Variants in FHIT observed in about 807,000 individuals in gnomAD.
FHIT encodes the protein fragile histidine triad diadenosine triphosphatase, also known as bis(5'-adenosyl)-triphosphatase.
In FHIT, 19 loss-of-function variants were observed where a neutral mutation model predicts 17.9. The ratio of observed to expected loss-of-function variants is 1.06; its 90% CI spans 0.74 to 1.56. The LOEUF is 1.56. Among genes scored for constraint, FHIT ranks in the 40% most tolerant of loss-of-function variants. The probability of loss-of-function intolerance (pLI) is 0.00; values close to 1 mark genes in which losing one functional copy is unlikely to be tolerated. For missense variants in FHIT, 248 were observed against 189.2 expected, an observed-to-expected ratio of 1.31 and a Z score of -1.82; for synonymous variants, 81 against 69.7, an observed-to-expected ratio of 1.16 and a Z score of -0.81.
At chr3:60,756,275 T>C (rs2042569351) in intron 4 of FHIT, among the ~76,000 whole-genome samples, 1 of 152,212 alleles carries the variant, frequency 6.6e-6, no homozygotes, top group Non-Finnish European at 1.5e-5. Context: ...TTTTCTTGTG[T>C]AATGGGGTGA....
intron 5 of FHIT, among the ~76,000 whole-genome samples, chr3:60,345,130 TG>T (rs1710712702): frequency 6.6e-6 from 1 of 152,220 alleles, no homozygotes; most frequent in Non-Finnish European, 1.5e-5. Flanking sequence ...TGTGTCATAC[TG>T]GTAATGAACA....
chr3:60,469,635 T>A (rs1233297044), intron 5 of FHIT, among the ~76,000 whole-genome samples: 1 of 152,290 alleles, frequency 6.6e-6, no homozygotes, highest in East Asian at 1.9e-4. Context: ...TATCTCTCTC[T>A]CTCTCCAGGA....
At position 60,217,336 on chromosome 3, in the gene FHIT, G is replaced by C. The variant is rs7641733; in HGVS notation, c.104-203184C>G. ...ATGAGTCGAAGAAAAGACAAAACAT[G>C]AGTCACTTTCCTTGAGCTCATCGCC... On this transcript the variant is annotated intron_variant, in intron 5 of 9. Coordinates refer to ENST00000492590, the MANE Select transcript of FHIT (RefSeq NM_002012.4). Among the ~76,000 whole-genome samples, 648 of 152,248 alleles carry C rather than the reference G, an allele frequency of 4.3e-3. 4 individuals carry two copies. Among genetic ancestry groups the C allele is most frequent in the African/African-American group, 0.014 (590 of 41,540 alleles).
chr3:60,091,931 T>C (rs1217538175), intron 5 of FHIT, among the ~76,000 whole-genome samples: 1 of 152,202 alleles, frequency 6.6e-6, no homozygotes, highest in Non-Finnish European at 1.5e-5. Context: ...CAGTCTCAGA[T>C]ATTTCTTTAC....
chr3:60,215,564 AAAAATAAAAT>A (rs140145289), intron 5 of FHIT, among the ~76,000 whole-genome samples: 1 of 152,178 alleles, frequency 6.6e-6, no homozygotes, highest in African/African-American at 2.4e-5. Context: ...CTCCATCTCA[AAAAATAAAAT>A]AAAATAAAAT....
chr3:60,357,622 T>C (rs529293102), intron 5 of FHIT, among the ~76,000 whole-genome samples: 1 of 152,262 alleles, frequency 6.6e-6, no homozygotes, highest in Admixed American at 6.5e-5. Context: ...TAAGGATCAA[T>C]TGACATCAAC....
intron 4 of FHIT, among the ~76,000 whole-genome samples, chr3:60,662,841 C>T (rs1553691515): frequency 6.6e-6 from 1 of 151,850 alleles, no homozygotes; most frequent in Admixed American, 6.6e-5. Flanking sequence ...TTTTCTCCCA[C>T]ATTTATTTTT....
At chr3:60,179,164 C>A (rs946611008) in intron 5 of FHIT, among the ~76,000 whole-genome samples, 1 of 152,110 alleles carries the variant, frequency 6.6e-6, no homozygotes. Flanking sequence ...TTCCATTAGG[C>A]GCATTTCAGT....
At chr3:61,092,998 C>T (rs1014478372) in intron 2 of FHIT, among the ~76,000 whole-genome samples, 3 of 152,176 alleles carry the variant, frequency 2.0e-5, no homozygotes, top group Admixed American at 6.5e-5. Context: ...AAACATTTCT[C>T]ATAAAGCCCA....
intron 5 of FHIT, among the ~76,000 whole-genome samples, chr3:60,342,812 G>A (rs1009618271): frequency 3.9e-5 from 6 of 152,130 alleles, no homozygotes; most frequent in Non-Finnish European, 1.5e-5. Context: ...AAGTATTGGA[G>A]CAAAAATTGG....
At chr3:60,002,863 C>T (rs1006898939) in intron 7 of FHIT, among the ~76,000 whole-genome samples, 4 of 152,020 alleles carry the variant, frequency 2.6e-5, no homozygotes, top group Admixed American at 2.0e-4. Flanking sequence ...GACCAAGAAT[C>T]AAAATATATT....
At chr3:60,413,333 G>GT (rs1019605926) in intron 5 of FHIT, among the ~76,000 whole-genome samples, 1 of 152,120 alleles carries the variant, frequency 6.6e-6, no homozygotes, top group African/African-American at 2.4e-5. Context: ...GTTAGGGTGA[G>GT]TAAGAGGGAG....
intron 4 of FHIT, chr3:60,732,683 G>GTTT: frequency 3.6e-5 from 7 of 193,156 alleles, no homozygotes; most frequent in Middle Eastern, 1.9e-3. Flanking sequence ...TGCAAAGACT[G>GTTT]CTTTTTTTTT....
chr3:60,032,004 G>C (rs1701022446), intron 5 of FHIT, among the ~76,000 whole-genome samples: 1 of 152,078 alleles, frequency 6.6e-6, no homozygotes, highest in Admixed American at 6.5e-5. Context: ...CAGTTACCTT[G>C]AAATATCATT....
At chr3:59,843,948 G>T (rs868673738) in intron 8 of FHIT, among the ~76,000 whole-genome samples, 3 of 152,126 alleles carry the variant, frequency 2.0e-5, no homozygotes, top group African/African-American at 7.2e-5. Flanking sequence ...GCTTGGTGCT[G>T]TCCTCATGAT....
At chr3:60,709,828 C>T (rs868915310) in intron 4 of FHIT, among the ~76,000 whole-genome samples, 9 of 152,062 alleles carry the variant, frequency 5.9e-5, no homozygotes, top group Admixed American at 1.3e-4. Flanking sequence ...TACTGGCCAA[C>T]GGTTTACTTA....
At chr3:60,963,692 G>T (rs1349150699) in intron 3 of FHIT, among the ~76,000 whole-genome samples, 2 of 149,602 alleles carry the variant, frequency 1.3e-5, no homozygotes, top group African/African-American at 4.9e-5. Flanking sequence ...TATGTGCCCA[G>T]TAGTCATTCA....
chr3:60,978,228 G>A (rs1187428698), intron 3 of FHIT, among the ~76,000 whole-genome samples: 1 of 152,200 alleles, frequency 6.6e-6, no homozygotes, highest in Non-Finnish European at 1.5e-5. Flanking sequence ...TTAGGGTAGT[G>A]CTTCTAGAAC....
At chr3:60,930,550 T>C (rs1204690542) in intron 3 of FHIT, among the ~76,000 whole-genome samples, 5 of 151,968 alleles carry the variant, frequency 3.3e-5, no homozygotes, top group Admixed American at 1.3e-4. Flanking sequence ...AAAAAGTGGG[T>C]GAAGGATATG....
Sources: allele counts gnomAD v4.1 joint callset (sites outside exome capture counted in the v4.1 genomes callset), GRCh38; gene constraint gnomAD v4.1.1; transcripts MANE v1.5; gene names NCBI Gene and HGNC (gene_info 2026-07-23, HGNC 2026-07-21).